The following BIRC6 variants were observed in gnomAD, a reference collection of about 807,000 sequenced individuals.
BIRC6 encodes the protein dual E2 ubiquitin-conjugating enzyme/E3 ubiquitin-protein ligase BIRC6.
BIRC6 carries 98 observed loss-of-function variants against 503.3 expected under a neutral mutation model. The ratio of observed to expected loss-of-function variants is 0.19; its 90% CI spans 0.17 to 0.23. BIRC6 has a LOEUF of 0.23. Ranked by LOEUF, BIRC6 falls within the 10% of genes least tolerant of loss-of-function variation. The pLI is 1.00. For missense variants in BIRC6, 5,360 were observed against 5,806.0 expected, an observed-to-expected ratio of 0.92 and a Z score of 2.50; for synonymous variants, 2,240 against 2,078.7, an observed-to-expected ratio of 1.08 and a Z score of -2.11.
Position 32,518,413 on chromosome 2 carries a change from T to A in BIRC6, c.11493+16T>A, listed in dbSNP as rs1416487845. ...TCCATGTCCAGTGAGTATTTAACAC[T>A]TAATCATTGGCTGTGTATACATGTA... On this transcript the variant is annotated intron_variant, in intron 56 of 73. Transcript: ENST00000421745. 6.3e-7 allele frequency: 1 copy of A among 1,597,788 alleles called. No homozygotes were observed. The highest frequency in any genetic ancestry group is 1.4e-5 in the African/African-American group (1 of 73,736).
At chr2:32,534,478 C>A (rs1275647609) in intron 61 of BIRC6, among the ~76,000 whole-genome samples, 1 of 150,800 alleles carries the variant, frequency 6.6e-6, no homozygotes, top group Non-Finnish European at 1.5e-5. Flanking sequence ...TGCCTGTAAT[C>A]CCAGCACTTT....
intron 4 of BIRC6, among the ~76,000 whole-genome samples, chr2:32,390,553 T>C (rs1181306983): frequency 6.6e-6 from 1 of 152,172 alleles, no homozygotes; most frequent in Non-Finnish European, 1.5e-5. Context: ...GACCTCAAGG[T>C]GATCTACCCG....
In BIRC6 at chr2:32,521,365, C is replaced by CAAAAAAAAAAAAAAAAAAAAAAAAA. The variant is rs35410265; in HGVS notation, c.11623+2423_11623+2447dup. On this transcript the variant is annotated intron_variant, in intron 57 of 73. Coordinates refer to ENST00000421745, the MANE Select transcript of BIRC6 (RefSeq NM_016252.4). ...TGGGCAACATAGCAAGACCTCATCT[C>CAAAAAAAAAAAAAAAAAAAAAAAAA]AAAAAAAAAAAAAAAAAAAAAAAAA... 1.4e-4 allele frequency among the ~76,000 whole-genome samples: 3 copies of CAAAAAAAAAAAAAAAAAAAAAAAAA among 21,518 alleles called. 1 individual carries two copies. The highest frequency in any genetic ancestry group is 2.4e-4 in the Non-Finnish European group (3 of 12,334). 14.1% of individuals were successfully genotyped at this position (21,518 alleles called of 152,430 possible).
chr2:32,429,421 C>T, intron 11 of BIRC6, 126 bp downstream of exon 11: 1 of 709,460 alleles, frequency 1.4e-6, no homozygotes, highest in Non-Finnish European at 2.1e-6. Flanking sequence ...GTATGTTACT[C>T]AATATTTGTG....
chr2:32,496,655 T>C (rs1430242754), intron 45 of BIRC6, among the ~76,000 whole-genome samples: 1 of 152,222 alleles, frequency 6.6e-6, no homozygotes, highest in Non-Finnish European at 1.5e-5. Context: ...TTGTTCTTTA[T>C]TTTTAGAGTT....
At position 32,441,189 on chromosome 2, in the gene BIRC6, G is replaced by C. The variant is rs1574229329; in HGVS notation, c.3811-140G>C. The C allele has an allele frequency of 6.3e-6, 4 of 637,070 alleles. No individual in the cohort carries two copies. In the East Asian group the frequency reaches 1.1e-4, roughly 18 times the overall value. The allele number at this position is 637,070 out of a possible 1,614,324, so 39.5% of individuals were successfully genotyped here. A position where few individuals can be genotyped will look rare whatever the true frequency, so the allele number is the denominator to read the frequency against. ...AAATTAGTCATTTACTGAATATGAG[G>C]GTACAAGCTATCATTTTAACTTGAG... On this transcript the variant is annotated intron_variant, in intron 16 of 73. Transcript: ENST00000421745.
intron 33 of BIRC6, among the ~76,000 whole-genome samples, 200 bp from the exon 34 acceptor site, chr2:32,476,013 T>C (rs1024199360): frequency 5.9e-5 from 9 of 152,124 alleles, no homozygotes; most frequent in African/African-American, 2.2e-4. Flanking sequence ...GTAAGGGAGA[T>C]TTTAATGAAA....
intron 1 of BIRC6, among the ~76,000 whole-genome samples, chr2:32,374,214 G>GA (rs1160708879): frequency 6.6e-6 from 1 of 151,590 alleles, no homozygotes; most frequent in Non-Finnish European, 1.5e-5. Context: ...CTACATAATT[G>GA]AAAAAAATCC....
chr2:32,502,521 G>T (rs546694166), intron 47 of BIRC6, among the ~76,000 whole-genome samples: 1 of 152,168 alleles, frequency 6.6e-6, no homozygotes, highest in East Asian at 1.9e-4. Flanking sequence ...ACTTTAAATG[G>T]TTCAAATTTT....
intron 66 of BIRC6, among the ~76,000 whole-genome samples, chr2:32,580,726 T>C (rs1422161855): frequency 6.6e-6 from 1 of 152,206 alleles, no homozygotes; most frequent in Non-Finnish European, 1.5e-5. Flanking sequence ...TCATCTGTTT[T>C]GTCTCAGCAG....
intron 33 of BIRC6, 22 bp downstream of exon 33, chr2:32,473,261 A>C (rs1558827403): frequency 8.7e-6 from 13 of 1,502,258 alleles, no homozygotes; most frequent in Non-Finnish European, 1.2e-5. Flanking sequence ...TATATTTAAA[A>C]ATTTTTAATG....
At chr2:32,384,246 A>G (rs1331727683) in intron 3 of BIRC6, among the ~76,000 whole-genome samples, 1 of 152,218 alleles carries the variant, frequency 6.6e-6, no homozygotes, top group African/African-American at 2.4e-5. Flanking sequence ...TTCATCTTGT[A>G]AGGTAGAACT....
intron 37 of BIRC6, 93 bp from the exon 38 acceptor site, chr2:32,481,227 C>A: frequency 1.8e-6 from 2 of 1,136,078 alleles, no homozygotes; most frequent in East Asian, 2.7e-5. Flanking sequence ...ATGTAACATG[C>A]AAGTAAAATA....
At position 32,357,138 on chromosome 2, in the gene BIRC6, G is replaced by T. The variant is rs1171479467; in HGVS notation, c.-24G>T. ...GCCTGACTTCACTTCCGGCTAACGC[G>T]CTCGGCTTGCCCCCTGGCCCCGGAT... On this transcript the variant is annotated 5_prime_UTR_variant, in exon 1 of 74. Transcript: ENST00000421745. The surrounding 1 kb of genome is among the most constrained non-coding windows in gnomAD (Gnocchi z 4.9). The T allele has an allele frequency of 1.4e-6, 2 of 1,466,912 alleles. No homozygotes were observed. The highest frequency in any genetic ancestry group is 1.8e-6 in the Non-Finnish European group (2 of 1,123,664). The allele number at this position is 1,466,912 out of a possible 1,614,324, so 90.9% of individuals were successfully genotyped here.
intron 9 of BIRC6, among the ~76,000 whole-genome samples, chr2:32,411,462 T>G (rs567778656): frequency 3.8e-4 from 57 of 151,132 alleles, no homozygotes; most frequent in African/African-American, 1.3e-3. Flanking sequence ...ATTTTTTGTA[T>G]TTTCGAAAAT....
In BIRC6 at chr2:32,559,774, A is replaced by G. The variant is rs57139164; in HGVS notation, c.13144+10293A>G. On this transcript the variant is annotated intron_variant, in intron 65 of 73. Coordinates refer to ENST00000421745, the MANE Select transcript of BIRC6 (RefSeq NM_016252.4). ...AGTGGCTCACACCTGTAATCCCAGC[A>G]CTTTGGGAGGCCAAGGCCGGTGGAT... 3.2e-3 allele frequency among the ~76,000 whole-genome samples: 479 copies of G among 151,660 alleles called. 1 individual carries two copies. The highest frequency in any genetic ancestry group is 0.011 in the African/African-American group (463 of 41,368).
chr2:32,575,137 T>C lies in BIRC6; in HGVS notation c.13145-19T>C. The C allele has an allele frequency of 1.9e-6, 3 of 1,612,964 alleles. No individual in the cohort carries two copies. Among genetic ancestry groups the C allele is most frequent in the Non-Finnish European group, 2.5e-6 (3 of 1,179,036 alleles). ...TTGTACATTTGCTCATTTTGTGCTT[T>C]TTCTTCTTCTCCTTATAGTTCTGGA... is the stretch of plus-strand genomic sequence containing the variant. On this transcript the variant is annotated intron_variant, in intron 65 of 73. Transcript: ENST00000421745.
At chr2:32,482,328 ATATT>A in intron 38 of BIRC6, 97 bp from the exon 39 acceptor site, 2 of 1,135,216 alleles carry the variant, frequency 1.8e-6, no homozygotes, top group Admixed American at 2.3e-5. Context: ...GGTGGATAGA[ATATT>A]TATTTTGTAG....
intron 22 of BIRC6, among the ~76,000 whole-genome samples, chr2:32,450,948 T>C (rs1188408134): frequency 6.6e-6 from 1 of 152,182 alleles, no homozygotes; most frequent in Non-Finnish European, 1.5e-5. Flanking sequence ...CCCTGAATAT[T>C]TTCTGTCTGT....
Sources: allele counts gnomAD v4.1 joint callset (sites outside exome capture counted in the v4.1 genomes callset), GRCh38; gene constraint gnomAD v4.1.1; non-coding constraint Gnocchi (gnomAD v3.1); transcripts MANE v1.5; gene names NCBI Gene and HGNC (gene_info 2026-07-23, HGNC 2026-07-21).